NT5C2: variants seen among roughly 807,000 people sequenced by gnomAD.
NT5C2 encodes cytosolic purine 5'-nucleotidase.
A neutral mutation model predicts 76.1 loss-of-function variants in NT5C2; 58 were observed. The observed-to-expected ratio is 0.76, with a 90% CI of 0.62 to 0.95. NT5C2 has a LOEUF of 0.95. Ranked by LOEUF, NT5C2 falls within the 40% of genes least tolerant of loss-of-function variation. NT5C2 has a pLI of 0.00. For synonymous variants in NT5C2, 229 were observed against 237.4 expected, an observed-to-expected ratio of 0.96 and a Z score of 0.32; for missense variants, 478 against 690.3, an observed-to-expected ratio of 0.69 and a Z score of 3.45.
At chr10:103,138,999 C>G (rs796829246) in intron 4 of NT5C2, among the ~76,000 whole-genome samples, 20 of 151,274 alleles carry the variant, frequency 1.3e-4, no homozygotes, top group African/African-American at 4.4e-4. Flanking sequence ...AAGAGCGAAA[C>G]TCCGTCTCAA....
chr10:103,107,660 G>C (rs993896562), intron 4 of NT5C2, among the ~76,000 whole-genome samples: 1 of 151,550 alleles, frequency 6.6e-6, no homozygotes, highest in Non-Finnish European at 1.5e-5. Context: ...GTGACAGAGC[G>C]AGACTCTGTC....
rs540816554 is a variant in NT5C2, at chr10:103,189,680, G to T, written c.-169+3556C>A. Among the ~76,000 whole-genome samples the T allele has an allele frequency of 7.5e-4, 113 of 150,476 alleles. 2 individuals carry two copies. The highest frequency in any genetic ancestry group is 2.1e-4 in the South Asian group (1 of 4,740). ...TAACTTTTTTCTTTTACTGTTTACTGAATTTTTTTTTTTTGAGATGCTCTG... is the reference window on the plus strand; with the variant it reads ...TAACTTTTTTCTTTTACTGTTTACTTAATTTTTTTTTTTTGAGATGCTCTG... On this transcript the variant is annotated intron_variant, in intron 1 of 18. Coordinates refer to ENST00000404739, the MANE Select transcript of NT5C2 (RefSeq NM_001351169.2).
chr10:103,166,932 T>G (rs919746088), intron 3 of NT5C2, among the ~76,000 whole-genome samples: 1 of 152,076 alleles, frequency 6.6e-6, no homozygotes, highest in Non-Finnish European at 1.5e-5. Context: ...GTATTATAGG[T>G]GTAAGCCACC....
intron 4 of NT5C2, among the ~76,000 whole-genome samples, chr10:103,108,495 A>G (rs2072004318): frequency 6.6e-6 from 1 of 152,172 alleles, no homozygotes; most frequent in South Asian, 2.1e-4. Flanking sequence ...TCCCTTTCCA[A>G]AAACAATCCT....
rs1591927100 is a variant in NT5C2 at position 103,187,547 on chromosome 10, A to T, written c.-169+5689T>A. Among the ~76,000 whole-genome samples, 5 of 146,026 alleles carry T rather than the reference A, an allele frequency of 3.4e-5. No homozygotes were observed. In the East Asian group the frequency reaches 1.0e-3, roughly 30 times the overall value. Reference sequence around the variant, plus strand: ...AGCCTGGGGGGCAGAGTGAGAATCCATCTTAAAAAAAAAAAAAAAAAAAAA... The same window carrying T: ...AGCCTGGGGGGCAGAGTGAGAATCCTTCTTAAAAAAAAAAAAAAAAAAAAA... On this transcript the variant is annotated intron_variant, in intron 1 of 18. Transcript: ENST00000404739.
intron 4 of NT5C2, among the ~76,000 whole-genome samples, chr10:103,130,118 G>A (rs1347668697): frequency 2.0e-5 from 3 of 151,892 alleles, no homozygotes; most frequent in African/African-American, 7.2e-5. Context: ...AGAAAGGCAG[G>A]AAAGGTGGGG....
chr10:103,153,360 T>C, intron 3 of NT5C2: 1 of 1,265,244 alleles, frequency 7.9e-7, no homozygotes, highest in East Asian at 6.1e-5. Context: ...CAAGCTTCAC[T>C]GATCTCTTGA....
intron 4 of NT5C2, among the ~76,000 whole-genome samples, chr10:103,112,781 T>C (rs528286805): frequency 2.6e-3 from 390 of 152,344 alleles, no homozygotes; most frequent in Admixed American, 6.2e-3. Context: ...TTTGCTTTTA[T>C]GTTATAAGAA....
chr10:103,089,429 C>T lies in NT5C2; in HGVS notation c.*243G>A. On this transcript the variant is annotated 3_prime_UTR_variant, in exon 19 of 19. Transcript: ENST00000404739. ...TGGAGCCATATACATGCAGTTCAGC[C>T]TGATTTTACCCTTATTTTCTTCTAA... is the stretch of plus-strand genomic sequence containing the variant. The T allele has an allele frequency of 4.2e-6, 2 of 476,924 alleles. No individual in the cohort carries two copies. The highest frequency in any genetic ancestry group is 1.2e-4 in the South Asian group (2 of 16,968). 29.5% of individuals were successfully genotyped at this position (476,924 alleles called of 1,614,324 possible).
intron 1 of NT5C2, among the ~76,000 whole-genome samples, chr10:103,191,186 G>A (rs890393497): frequency 3.3e-5 from 5 of 152,190 alleles, no homozygotes; most frequent in Non-Finnish European, 5.9e-5. Flanking sequence ...GAGGTCAGGA[G>A]TTCGAGACCA....
chr10:103,101,010 T>A, intron 8 of NT5C2, 35 bp downstream of exon 8: 1 of 1,160,692 alleles, frequency 8.6e-7, no homozygotes, highest in Admixed American at 1.8e-5. Context: ...ATTTTAAAAA[T>A]CAATTGGAAA....
At chr10:103,145,467 A>G (rs1017185955) in intron 3 of NT5C2, among the ~76,000 whole-genome samples, 2 of 152,216 alleles carry the variant, frequency 1.3e-5, no homozygotes, top group African/African-American at 4.8e-5. Flanking sequence ...AAAAATTTCT[A>G]TTGGTCTCCG....
intron 3 of NT5C2, among the ~76,000 whole-genome samples, chr10:103,168,104 T>TG: frequency 7.1e-6 from 1 of 140,920 alleles, no homozygotes; most frequent in Admixed American, 7.1e-5. Flanking sequence ...AAACTGCAAC[T>TG]AAAAAAAAAA....
intron 4 of NT5C2, among the ~76,000 whole-genome samples, chr10:103,126,631 A>C (rs1168744074): frequency 6.6e-6 from 1 of 152,114 alleles, no homozygotes; most frequent in East Asian, 1.9e-4. Flanking sequence ...AAAAAACTAA[A>C]AAACAAACAA....
chr10:103,139,331 T>C (rs1486467052), intron 4 of NT5C2, 75 bp downstream of exon 4: 12 of 884,978 alleles, frequency 1.4e-5, no homozygotes, highest in African/African-American at 6.9e-5. Flanking sequence ...CAAATGTCAA[T>C]TGAATTGCCT....
chr10:103,156,083 T>C lies in NT5C2; in HGVS notation c.102-16604A>G, dbSNP rs1185667053. 2.0e-5 allele frequency among the ~76,000 whole-genome samples: 3 copies of C among 152,050 alleles called. No individual in the cohort carries two copies. The East Asian group carries it at 5.8e-4, about 29-fold the overall frequency. On this transcript the variant is annotated intron_variant, in intron 3 of 18. Coordinates refer to ENST00000404739, the MANE Select transcript of NT5C2 (RefSeq NM_001351169.2). ...TGGGAGGCTGAGGTGTGAGAATTAC[T>C]TGAGGTCAAGGTGACCACAGTGAGT... is the stretch of plus-strand genomic sequence containing the variant.
chr10:103,175,640 G>T, intron 2 of NT5C2: 1 of 224,288 alleles, frequency 4.5e-6, no homozygotes, highest in Non-Finnish European at 9.4e-6. Context: ...CAACGGACAA[G>T]ACGATGGCCA....
intron 4 of NT5C2, among the ~76,000 whole-genome samples, chr10:103,132,391 T>TA (rs1308545646): frequency 2.0e-5 from 3 of 152,116 alleles, no homozygotes; most frequent in African/African-American, 4.8e-5. Flanking sequence ...GAAAAACTGA[T>TA]AAAAAACAAA....
chr10:103,131,367 T>C (rs2078134899), intron 4 of NT5C2, among the ~76,000 whole-genome samples: 1 of 152,244 alleles, frequency 6.6e-6, no homozygotes, highest in Non-Finnish European at 1.5e-5. Context: ...TTGTGTCCTT[T>C]AAAGTTCATA....
Sources: gnomAD v4.1 joint callset for allele counts (sites outside exome capture counted in the v4.1 genomes callset) on GRCh38, gnomAD v4.1.1 for gene constraint, MANE v1.5 for transcripts, NCBI Gene and HGNC (gene_info 2026-07-23, HGNC 2026-07-21) for gene names.